The following JPH2 variants were observed in gnomAD, a reference collection of about 807,000 sequenced individuals.
The protein encoded by JPH2 is junctophilin 2.
JPH2 carries 38 observed loss-of-function variants against 55.9 expected under a neutral mutation model. The ratio of observed to expected loss-of-function variants is 0.68; its 90% CI spans 0.52 to 0.89. JPH2 has a LOEUF of 0.89. JPH2 is among the 40% of genes least tolerant of loss of function. The pLI is 0.00. For missense variants in JPH2, 964 were observed against 1,037.6 expected, an observed-to-expected ratio of 0.93 and a Z score of 0.97; for synonymous variants, 480 against 472.4, an observed-to-expected ratio of 1.02 and a Z score of -0.21.
intron 1 of JPH2, among the ~76,000 whole-genome samples, chr20:44,185,106 C>T (rs1263564860): frequency 4.6e-5 from 7 of 151,880 alleles, no homozygotes; most frequent in Non-Finnish European, 1.0e-4. Flanking sequence ...TGAGACCAGC[C>T]TGGGCCACAT....
rs897880908 is a variant in JPH2, at chr20:44,180,729, A to C, written c.379+5598T>G. Among the ~76,000 whole-genome samples, 15 of 152,190 alleles carry C rather than the reference A, an allele frequency of 9.9e-5. 1 individual carries two copies. On this transcript the variant is annotated intron_variant, in intron 1 of 5. Transcript: ENST00000372980. Reference sequence around the variant, plus strand: ...ATTTGAGCCAGAGATGACTTGGAGAATCTGAGACTATGTGAGAAAATGCCT... The same window carrying C: ...ATTTGAGCCAGAGATGACTTGGAGACTCTGAGACTATGTGAGAAAATGCCT...
rs2072120800 is a variant in JPH2, at chr20:44,108,365, C to CTAGTGAA, written c.*5146_*5152dup. 6.6e-6 allele frequency among the ~76,000 whole-genome samples: 1 copy of CTAGTGAA among 151,940 alleles called. No individual in the cohort carries two copies. The highest frequency in any genetic ancestry group is 1.5e-5 in the Non-Finnish European group (1 of 68,004). The stretch of plus-strand genomic sequence containing the variant: ...CTTTCAGTGAGTTCTGTGAGTCTTT[C>CTAGTGAA]TAGTGAATTATTGAGTATGAGGATA... On this transcript the variant is annotated 3_prime_UTR_variant, in exon 6 of 6. Transcript: ENST00000372980.
rs1334891106 is a variant in JPH2 at position 44,108,461 on chromosome 20, T to C, written c.*5057A>G. 2.0e-5 allele frequency among the ~76,000 whole-genome samples: 3 copies of C among 152,076 alleles called. No homozygotes were observed. The highest frequency in any genetic ancestry group is 4.4e-5 in the Non-Finnish European group (3 of 68,018). ...GTGGCCCTGGAGATCCCCAAACTTGTATCTGGGGTCTGAAGGGAGAGGGGG... is the reference window on the plus strand; with the variant it reads ...GTGGCCCTGGAGATCCCCAAACTTGCATCTGGGGTCTGAAGGGAGAGGGGG... On this transcript the variant is annotated 3_prime_UTR_variant, in exon 6 of 6. Coordinates refer to ENST00000372980, the MANE Select transcript of JPH2 (RefSeq NM_020433.5).
chr20:44,153,281 C>G (rs900733988), intron 2 of JPH2, among the ~76,000 whole-genome samples: 2 of 152,196 alleles, frequency 1.3e-5, no homozygotes, highest in Non-Finnish European at 2.9e-5. Flanking sequence ...CTCTCTGCAG[C>G]ATTACTTTCA....
At chr20:44,148,661 C>T (rs1418605979) in intron 2 of JPH2, among the ~76,000 whole-genome samples, 11 of 152,116 alleles carry the variant, frequency 7.2e-5, no homozygotes. Context: ...GGGTATTTCC[C>T]CTCCCTTCTC....
chr20:44,164,671 AAAACAAACAAACAAACAAACAAAC>A (rs34787127), intron 1 of JPH2, among the ~76,000 whole-genome samples: 15 of 149,454 alleles, frequency 1.0e-4, no homozygotes, highest in Admixed American at 2.7e-4. Flanking sequence ...AAAGCCTCAA[AAAACAAACAAACAAACAAACAAAC>A]AAACAAACAA....
rs766721028 is a variant in JPH2, at chr20:44,115,903, C to A, written c.1772G>T (p.Gly591Val). 12 of 1,575,092 alleles carry A rather than the reference C, an allele frequency of 7.6e-6. No homozygotes were observed. Among genetic ancestry groups the A allele is most frequent in the South Asian group, 1.1e-5 (1 of 88,934 alleles). Residue 591 changes from glycine (G) to valine (V), a missense_variant, in exon 4 of 6, where the codon GGG becomes GTG. Physicochemically the swap from Gly to Val is moderately radical, Grantham distance 109. Coordinates refer to ENST00000372980, the MANE Select transcript of JPH2 (RefSeq NM_020433.5). Reference protein sequence around the residue: ...FEDQPEPEVSGSESAPSSPAT... With the variant: ...FEDQPEPEVSVSESAPSSPAT... ...CGGGGACGAGGGCGCGGACTCGGAC[C>A]CGGAGACCTCGGGCTCGGGCTGGTC...
chr20:44,136,905 C>A (rs2072417139), intron 2 of JPH2, among the ~76,000 whole-genome samples: 1 of 152,186 alleles, frequency 6.6e-6, no homozygotes, highest in African/African-American at 2.4e-5. Context: ...CAAGGATTTA[C>A]TAGGCACCTA....
intron 2 of JPH2, among the ~76,000 whole-genome samples, chr20:44,125,543 G>A (rs2072269497): frequency 1.3e-5 from 2 of 152,146 alleles, no homozygotes; most frequent in African/African-American, 4.8e-5. Context: ...TACCACTTCT[G>A]AGCCAGGTCC....
chr20:44,137,109 T>G (rs2072418279), intron 2 of JPH2, among the ~76,000 whole-genome samples: 1 of 152,316 alleles, frequency 6.6e-6, no homozygotes, highest in Admixed American at 6.5e-5. Flanking sequence ...ACATAGTAGG[T>G]ACCCCATGAA....
chr20:44,136,470 T>C (rs1402594207), intron 2 of JPH2, among the ~76,000 whole-genome samples: 1 of 152,104 alleles, frequency 6.6e-6, no homozygotes, highest in African/African-American at 2.4e-5. Context: ...AACATCACCA[T>C]TATGAATAGG....
Position 44,186,450 on chromosome 20 carries a change from A to T in JPH2, c.256T>A (p.Trp86Arg), listed in dbSNP as rs2072843876. ...TAGCGTCCCTTGAAGCCATGTGTCC[A>T]CTCGCCCTTGTAGAGCCAGCGCCCC... is the stretch of plus-strand genomic sequence containing the variant. The part of the protein sequence containing the change: ...TKGRWLYKGE[W>R]THGFKGRYGI... The change falls in exon 1 of 6, where the codon TGG (tryptophan) becomes AGG (arginine). Residue 86 changes from tryptophan to arginine, a missense_variant. Trp to Arg is a moderately radical substitution (Grantham distance 101). Coordinates refer to ENST00000372980, the MANE Select transcript of JPH2 (RefSeq NM_020433.5). The T allele has an allele frequency of 6.8e-6, 11 of 1,609,076 alleles. No individual in the cohort carries two copies. Among genetic ancestry groups the T allele is most frequent in the Non-Finnish European group, 9.3e-6 (11 of 1,178,414 alleles).
chr20:44,166,712 T>A (rs2072658338), intron 1 of JPH2, among the ~76,000 whole-genome samples: 1 of 152,064 alleles, frequency 6.6e-6, no homozygotes, highest in South Asian at 2.1e-4. Flanking sequence ...TCCAACTCCC[T>A]CCAAGACAGG....
rs558583618 is a variant in JPH2, at chr20:44,178,828, T to C, written c.379+7499A>G. 4.0e-4 allele frequency among the ~76,000 whole-genome samples: 61 copies of C among 152,304 alleles called. No individual in the cohort carries two copies. In the South Asian group the frequency reaches 0.012, roughly 30 times the overall value. On this transcript the variant is annotated intron_variant, in intron 1 of 5. Coordinates refer to ENST00000372980, the MANE Select transcript of JPH2 (RefSeq NM_020433.5). The stretch of plus-strand genomic sequence containing the variant: ...GATCAACAGAAAAGATATTCTATTA[T>C]GCAAATAAATAAATAAATATGGAAG...
chr20:44,151,152 A>G (rs1211663247), intron 2 of JPH2, among the ~76,000 whole-genome samples: 1 of 152,250 alleles, frequency 6.6e-6, no homozygotes, highest in Non-Finnish European at 1.5e-5. Context: ...TATGTTTCAT[A>G]TTTTCCCATA....
At chr20:44,161,754 C>T (rs973319776) in intron 1 of JPH2, among the ~76,000 whole-genome samples, 3 of 152,138 alleles carry the variant, frequency 2.0e-5, no homozygotes, top group African/African-American at 7.2e-5. Context: ...CCTTCACCCC[C>T]ATCCTGACAT....
At chr20:44,134,484 A>T (rs747680631) in intron 2 of JPH2, among the ~76,000 whole-genome samples, 221 of 516 alleles carry the variant, frequency 0.43, 1 homozygote, top group East Asian at 0.5. Flanking sequence ...ATATATTTAT[A>T]ATATATATTT....
intron 2 of JPH2, among the ~76,000 whole-genome samples, chr20:44,152,648 C>T (rs1293164694): frequency 6.6e-6 from 1 of 152,210 alleles, no homozygotes; most frequent in East Asian, 1.9e-4. Flanking sequence ...TACCAAGACC[C>T]TCCCTGAGAC....
At chr20:44,125,907 C>T (rs1012975366) in intron 2 of JPH2, among the ~76,000 whole-genome samples, 1 of 151,896 alleles carries the variant, frequency 6.6e-6, no homozygotes, top group Non-Finnish European at 1.5e-5. Context: ...GGGCTTGTTA[C>T]ATAAAATGAG....
Sources: gnomAD v4.1 joint callset for allele counts (sites outside exome capture counted in the v4.1 genomes callset) on GRCh38, gnomAD v4.1.1 for gene constraint, MANE v1.5 for transcripts, NCBI Gene and HGNC (gene_info 2026-07-23, HGNC 2026-07-21) for gene names.